PDZD2: variants seen among roughly 807,000 people sequenced by gnomAD.
PDZD2 encodes PDZ domain containing 2.
Under a neutral mutation model 220.7 loss-of-function variants are expected in PDZD2, and 90 were observed. The ratio of observed to expected loss-of-function variants is 0.41; its 90% confidence interval spans 0.34 to 0.49. The LOEUF (loss-of-function observed/expected upper bound fraction) is 0.49. PDZD2 is among the 20% of genes least tolerant of loss of function. The pLI, the probability that PDZD2 is intolerant of heterozygous loss-of-function variation, is 0.28. For missense variants in PDZD2, 3,174 were observed against 3,608.5 expected, an observed-to-expected ratio of 0.88 and a Z score of 3.08; for synonymous variants, 1,375 against 1,450.5, an observed-to-expected ratio of 0.95 and a Z score of 1.18.
At chr5:31,711,929 G>A (rs950289419) in intron 1 of PDZD2, 24 of 152,344 alleles carry the variant, frequency 1.6e-4, no homozygotes, top group Admixed American at 1.4e-3. Context: ...ACAACACTTG[G>A]AATCTTTGAG....
chr5:31,973,336 A>C (rs998828033), intron 2 of PDZD2, among the ~76,000 whole-genome samples: 4 of 152,224 alleles, frequency 2.6e-5, no homozygotes, highest in Non-Finnish European at 5.9e-5. Context: ...AACTTTCAAG[A>C]TCAATATGAA....
intron 2 of PDZD2, among the ~76,000 whole-genome samples, chr5:31,825,910 C>T (rs13153000): frequency 0.21 from 31,968 of 150,736 alleles, 3,621 homozygotes; most frequent in African/African-American, 0.27. Flanking sequence ...CACAGGCATG[C>T]TATTAACAGG....
intron 2 of PDZD2, among the ~76,000 whole-genome samples, chr5:31,934,607 TAA>T (rs5867117): frequency 2.5e-5 from 3 of 118,034 alleles, no homozygotes; most frequent in Non-Finnish European, 1.7e-5. Flanking sequence ...ACCATCTAAT[TAA>T]AAAAAAAAAA....
rs924604133 is a variant in PDZD2, at chr5:31,639,670, G to T, written c.-361+233G>T. On this transcript the variant is annotated intron_variant, in intron 1 of 24. Coordinates refer to ENST00000438447, the MANE Select transcript of PDZD2 (RefSeq NM_178140.4). This position sits in a 1 kb window ranked among gnomAD's most constrained non-coding sequence, Gnocchi z 4.1. Reference sequence around the variant, plus strand: ...GGGACGGGGAGGGCGCAGCCCAGGGGAGGGGGCTAGACAGAGCGGGACCGA... The same window carrying T: ...GGGACGGGGAGGGCGCAGCCCAGGGTAGGGGGCTAGACAGAGCGGGACCGA... 3.9e-5 allele frequency among the ~76,000 whole-genome samples: 6 copies of T among 152,198 alleles called. No homozygotes were observed. The highest frequency in any genetic ancestry group is 1.4e-4 in the African/African-American group (6 of 41,460).
In PDZD2 at chr5:31,890,550, C is replaced by CCTT. The variant is rs1371653298; in HGVS notation, c.476+90831_476+90833dup. On this transcript the variant is annotated intron_variant, in intron 2 of 24. Coordinates refer to ENST00000438447, the MANE Select transcript of PDZD2 (RefSeq NM_178140.4). ...CCGAGCCGGGCCTAGAGCCAGGGCC[C>CCTT]CTTCTTCCCTGACTCCAGCCCCTCA... Among the ~76,000 whole-genome samples the CCTT allele has an allele frequency of 2.0e-5, 3 of 152,260 alleles. No homozygotes were observed. The East Asian group carries it at 5.8e-4, about 29-fold the overall frequency.
At chr5:32,034,408 G>A (rs1261461014) in intron 6 of PDZD2, among the ~76,000 whole-genome samples, 1 of 150,378 alleles carries the variant, frequency 6.6e-6, no homozygotes, top group Non-Finnish European at 1.5e-5. Flanking sequence ...ACCCAGGCTG[G>A]AGTGCAGTGG....
rs776096052 is a variant in PDZD2, at chr5:32,101,195, C to T, written c.8309C>T (p.Ser2770Leu). The change falls in exon 24 of 25, where the codon TCG becomes TTG. Residue 2770 changes from serine to leucine, a missense_variant. Physicochemically the swap from Ser to Leu is moderately radical, Grantham distance 145 (BLOSUM62 -2). Coordinates refer to ENST00000438447, the MANE Select transcript of PDZD2 (RefSeq NM_178140.4). Reference protein sequence around the residue: ...LGLSLDGGKSSVTGDGPLVIK... With the variant: ...LGLSLDGGKSLVTGDGPLVIK... ...CTGAGTCTGGATGGGGGAAAATCAT[C>T]GGTGACGGGAGATGGGCCCTTGGTC... The T allele has an allele frequency of 1.1e-5, 18 of 1,613,790 alleles. No homozygotes were observed. In the Admixed American group the frequency reaches 1.7e-4, roughly 15 times the overall value.
chr5:31,820,102 A>G (rs1271868464), intron 2 of PDZD2, among the ~76,000 whole-genome samples: 2 of 152,188 alleles, frequency 1.3e-5, no homozygotes, highest in African/African-American at 4.8e-5. Context: ...GGGTCCGGTA[A>G]TGAGGTGTAA....
intron 2 of PDZD2, among the ~76,000 whole-genome samples, chr5:31,902,004 T>C (rs889806680): frequency 6.6e-6 from 1 of 152,364 alleles, no homozygotes; most frequent in East Asian, 1.9e-4. Context: ...ATATTGGGGT[T>C]GTTTTCACAT....
chr5:31,645,741 C>T (rs1745110754), intron 1 of PDZD2, among the ~76,000 whole-genome samples: 1 of 152,118 alleles, frequency 6.6e-6, no homozygotes, highest in Non-Finnish European at 1.5e-5. Flanking sequence ...GGCCTCAGGA[C>T]AGCCATCATC....
intron 2 of PDZD2, among the ~76,000 whole-genome samples, chr5:31,855,605 C>T (rs1307771800): frequency 6.6e-6 from 1 of 152,220 alleles, no homozygotes; most frequent in Non-Finnish European, 1.5e-5. Flanking sequence ...TGTCCCCCAT[C>T]CCTCGCTAGC....
intron 19 of PDZD2, 75 bp downstream of exon 19, chr5:32,077,681 G>T: frequency 6.8e-7 from 1 of 1,471,870 alleles, no homozygotes. Flanking sequence ...TACAGGCCAG[G>T]CGCAGTGGCT....
chr5:32,078,860 C>T (rs1433532696), intron 19 of PDZD2, among the ~76,000 whole-genome samples: 2 of 151,300 alleles, frequency 1.3e-5, no homozygotes, highest in Non-Finnish European at 2.9e-5. Flanking sequence ...TTTGGCTACC[C>T]ATCATCTAGT....
At chr5:32,039,634 C>A (rs1014066275) in intron 7 of PDZD2, among the ~76,000 whole-genome samples, 26 of 150,714 alleles carry the variant, frequency 1.7e-4, no homozygotes, top group African/African-American at 4.6e-4. Flanking sequence ...CACCTCTGCC[C>A]GGCCGCCAAC....
chr5:31,689,609 T>C (rs1305407944), intron 1 of PDZD2, among the ~76,000 whole-genome samples: 3 of 151,974 alleles, frequency 2.0e-5, no homozygotes, highest in Admixed American at 6.6e-5. Flanking sequence ...GTCCCTAAAG[T>C]TCCAGCCATT....
chr5:32,087,675 T>A lies in PDZD2; in HGVS notation c.4227T>A (p.His1409Gln). 6.2e-7 allele frequency: 1 copy of A among 1,614,178 alleles called. No individual in the cohort carries two copies. Among genetic ancestry groups the A allele is most frequent in the Non-Finnish European group, 8.5e-7 (1 of 1,180,026 alleles). ...ACAACACCAAAGAAGCATGTGGCCA[T>A]GTCTCGGGGCACTGCTGCCCAGGGG... ...STDNTKEACGHVSGHCCPGGS... is the reference protein window; with the variant it reads ...STDNTKEACGQVSGHCCPGGS... The change falls in exon 20 of 25, where the codon CAT becomes CAA. Residue 1409 changes from histidine (H) to glutamine (Q), a missense_variant. By Grantham distance (24) the His-to-Gln change is conservative. Transcript: ENST00000438447. The surrounding 1 kb of genome is among the most constrained non-coding windows in gnomAD (Gnocchi z 4.0).
At chr5:32,102,583 A>G (rs145016709) in intron 24 of PDZD2, among the ~76,000 whole-genome samples, 173 of 152,054 alleles carry the variant, frequency 1.1e-3, no homozygotes, top group African/African-American at 3.6e-3. Context: ...AGAGCAGCAG[A>G]AGGAGGAGAA....
chr5:31,955,916 T>C (rs1040802118), intron 2 of PDZD2, among the ~76,000 whole-genome samples: 1 of 152,200 alleles, frequency 6.6e-6, no homozygotes, highest in Admixed American at 6.5e-5. Flanking sequence ...TGTATTAATT[T>C]CCACATATTT....
intron 1 of PDZD2, among the ~76,000 whole-genome samples, chr5:31,757,164 T>C (rs1156699148): frequency 1.3e-5 from 2 of 152,156 alleles, no homozygotes; most frequent in African/African-American, 4.8e-5. Flanking sequence ...TGCATGCCTA[T>C]AATCCCAGCT....
Sources: allele counts gnomAD v4.1 joint callset (sites outside exome capture counted in the v4.1 genomes callset), GRCh38; gene constraint gnomAD v4.1.1; non-coding constraint Gnocchi (gnomAD v3.1); transcripts MANE v1.5; gene names NCBI Gene and HGNC (gene_info 2026-07-23, HGNC 2026-07-21).